The following CAMTA1 variants were observed in gnomAD, a reference collection of about 807,000 sequenced individuals.
The protein encoded by CAMTA1 is calmodulin binding transcription activator 1, also known as calmodulin-binding transcription activator 1.
Under a neutral mutation model 170.9 loss-of-function variants are expected in CAMTA1, and 27 were observed. The ratio of observed to expected loss-of-function variants is 0.16; its 90% confidence interval spans 0.12 to 0.22. The LOEUF is 0.22. Among genes scored for constraint, CAMTA1 ranks in the 10% least tolerant of loss-of-function variants. CAMTA1 has a pLI of 1.00. For missense variants in CAMTA1, 1,619 were observed against 2,217.2 expected (o/e 0.73, Z 5.42); for synonymous variants, 833 against 891.5 (o/e 0.93, Z 1.17).
chr1:7,327,089 C>CG (rs1200599172), intron 5 of CAMTA1, among the ~76,000 whole-genome samples: 3 of 151,656 alleles, frequency 2.0e-5, no homozygotes, highest in Admixed American at 6.6e-5. Context: ...AGTGGATAGG[C>CG]GGGGGGGAAA....
intron 6 of CAMTA1, among the ~76,000 whole-genome samples, chr1:7,587,247 C>A (rs2095318437): frequency 6.6e-6 from 1 of 152,074 alleles, no homozygotes; most frequent in Non-Finnish European, 1.5e-5. Flanking sequence ...CACCCGCCGC[C>A]CCTGCAGGCG....
At chr1:7,223,066 C>T (rs1304677433) in intron 4 of CAMTA1, among the ~76,000 whole-genome samples, 2 of 152,268 alleles carry the variant, frequency 1.3e-5, no homozygotes, top group African/African-American at 4.8e-5. Flanking sequence ...TTGTTCCTCT[C>T]GCCCTTGCGG....
chr1:7,528,579 G>A (rs749435752), intron 6 of CAMTA1, among the ~76,000 whole-genome samples: 7 of 152,102 alleles, frequency 4.6e-5, no homozygotes, highest in African/African-American at 9.7e-5. Flanking sequence ...CATTGGTCTC[G>A]GGGAGGAGCT....
chr1:6,871,886 G>T, intron 3 of CAMTA1: 1 of 1,432,984 alleles, frequency 7.0e-7, no homozygotes, highest in Non-Finnish European at 9.1e-7. Flanking sequence ...TAATTTTGGT[G>T]TACAAGCTGT....
intron 6 of CAMTA1, among the ~76,000 whole-genome samples, chr1:7,475,287 T>C (rs1228509616): frequency 2.0e-5 from 3 of 152,204 alleles, no homozygotes; most frequent in Non-Finnish European, 4.4e-5. Flanking sequence ...GGCCTTCTAC[T>C]GCCATCTATC....
At chr1:6,895,357 T>C (rs1423485429) in intron 3 of CAMTA1, among the ~76,000 whole-genome samples, 1 of 152,224 alleles carries the variant, frequency 6.6e-6, no homozygotes, top group Non-Finnish European at 1.5e-5. Context: ...CATCCATCTT[T>C]GCACATCTCT....
At chr1:7,353,012 A>G (rs910585638) in intron 5 of CAMTA1, among the ~76,000 whole-genome samples, 3 of 152,188 alleles carry the variant, frequency 2.0e-5, no homozygotes, top group Admixed American at 6.5e-5. Context: ...TGCATGAGAC[A>G]CTCAGAGGCC....
chr1:7,005,279 A>C (rs1191806352), intron 3 of CAMTA1, among the ~76,000 whole-genome samples: 2 of 152,034 alleles, frequency 1.3e-5, no homozygotes, highest in African/African-American at 4.8e-5. Context: ...CCAGACAGGC[A>C]CTCCATTTGC....
intron 1 of CAMTA1, among the ~76,000 whole-genome samples, chr1:6,786,890 G>A (rs1056135173): frequency 2.6e-5 from 4 of 152,146 alleles, no homozygotes; most frequent in Non-Finnish European, 5.9e-5. Context: ...AGGAAGACCG[G>A]GGTATATTTT....
chr1:7,090,305 C>T (rs961302088), intron 3 of CAMTA1, among the ~76,000 whole-genome samples: 18 of 152,222 alleles, frequency 1.2e-4, no homozygotes, highest in African/African-American at 4.1e-4. Context: ...AGAGGCTGCT[C>T]GCCTCCAGGC....
chr1:7,013,538 C>T (rs1308367170), intron 3 of CAMTA1, among the ~76,000 whole-genome samples: 1 of 152,158 alleles, frequency 6.6e-6, no homozygotes, highest in African/African-American at 2.4e-5. Flanking sequence ...AGTCTTTTCT[C>T]AACCCGGAAG....
chr1:7,027,236 A>G (rs1702147929), intron 3 of CAMTA1, among the ~76,000 whole-genome samples: 1 of 152,148 alleles, frequency 6.6e-6, no homozygotes, highest in Non-Finnish European at 1.5e-5. Flanking sequence ...TTGTATTTGG[A>G]TACACACATC....
At chr1:7,555,868 C>T (rs957166636) in intron 6 of CAMTA1, among the ~76,000 whole-genome samples, 1 of 152,240 alleles carries the variant, frequency 6.6e-6, no homozygotes, top group Non-Finnish European at 1.5e-5. Flanking sequence ...CTCACACCAG[C>T]TCCAATCTAA....
At chr1:7,292,869 G>T (rs1673350048) in intron 5 of CAMTA1, among the ~76,000 whole-genome samples, 1 of 152,180 alleles carries the variant, frequency 6.6e-6, no homozygotes, top group Admixed American at 6.5e-5. Context: ...GTTTCCTGCA[G>T]CCTCGCTTCC....
chr1:7,018,022 G>A (rs1312857132), intron 3 of CAMTA1, among the ~76,000 whole-genome samples: 1 of 151,696 alleles, frequency 6.6e-6, no homozygotes, highest in East Asian at 1.9e-4. Context: ...TAGCACAGTG[G>A]TGCGATCTTG....
At chr1:7,741,290 G>A (rs1294084580) in intron 16 of CAMTA1, among the ~76,000 whole-genome samples, 3 of 152,132 alleles carry the variant, frequency 2.0e-5, no homozygotes, top group Admixed American at 6.5e-5. Context: ...TTGGCCGGGC[G>A]CGGTGGCTCA....
At chr1:6,871,947 C>A (rs1469323024) in intron 3 of CAMTA1, 1 of 1,292,028 alleles carries the variant, frequency 7.7e-7, no homozygotes, top group Non-Finnish European at 9.8e-7. Context: ...AATAGAGATA[C>A]CCCTTTGAGT....
intron 5 of CAMTA1, among the ~76,000 whole-genome samples, chr1:7,303,305 C>G (rs181445638): frequency 2.6e-5 from 4 of 152,246 alleles, no homozygotes; most frequent in Admixed American, 6.5e-5. Context: ...TTGTCCAATA[C>G]AGAAATATCT....
intron 5 of CAMTA1, among the ~76,000 whole-genome samples, chr1:7,363,352 T>C (rs2085704027): frequency 6.6e-6 from 1 of 152,196 alleles, no homozygotes; most frequent in Non-Finnish European, 1.5e-5. Flanking sequence ...GCTCTAGCTA[T>C]AAAATATTAC....
Sources: gnomAD v4.1 joint callset for allele counts (sites outside exome capture counted in the v4.1 genomes callset) on GRCh38, gnomAD v4.1.1 for gene constraint, MANE v1.5 for transcripts, NCBI Gene and HGNC (gene_info 2026-07-23, HGNC 2026-07-21) for gene names.